Variants in RGS6 observed in about 807,000 individuals in gnomAD.
RGS6 encodes regulator of G protein signaling 6.
In RGS6, 30 loss-of-function variants were observed where a neutral mutation model predicts 78.5. That is an observed-to-expected ratio of 0.38 (90% CI 0.29 to 0.52). RGS6 has a LOEUF of 0.52. Ranked by LOEUF, RGS6 falls within the 20% of genes least tolerant of loss-of-function variation. The pLI is 0.85. For missense variants in RGS6, 495 were observed against 609.7 expected (o/e 0.81, Z 1.98); for synonymous variants, 206 against 206.0 (o/e 1.00, Z 0.00).
intron 3 of RGS6, among the ~76,000 whole-genome samples, chr14:72,404,351 A>C (rs568053252): frequency 6.6e-6 from 1 of 152,292 alleles, no homozygotes; most frequent in South Asian, 2.1e-4. Flanking sequence ...GCTTGAGGGA[A>C]GGTGTTTGCT....
chr14:72,419,939 C>G (rs145317609), intron 3 of RGS6, among the ~76,000 whole-genome samples: 54 of 152,254 alleles, frequency 3.5e-4, no homozygotes, highest in African/African-American at 1.1e-3. Flanking sequence ...AATCTGCCCC[C>G]CTAAGGGTGT....
chr14:72,370,562 C>T (rs2083298291), intron 3 of RGS6, among the ~76,000 whole-genome samples: 1 of 152,090 alleles, frequency 6.6e-6, no homozygotes, highest in African/African-American at 2.4e-5. Context: ...TGATGAGGTA[C>T]ATCAGGGTAA....
chr14:72,168,135 G>A (rs887053508), intron 2 of RGS6, among the ~76,000 whole-genome samples: 8 of 152,168 alleles, frequency 5.3e-5, no homozygotes, highest in African/African-American at 1.7e-4. Flanking sequence ...GCCAGTTCAT[G>A]GGGTCAGGAG....
At chr14:72,605,900 CA>C in the RGS6 span, among the ~76,000 whole-genome samples, 1 of 152,150 alleles carries the variant, frequency 6.6e-6, no homozygotes, top group Non-Finnish European at 1.5e-5. Flanking sequence ...AAGATGGTTT[CA>C]AACTGTTGCG....
chr14:71,964,867 T>C lies in RGS6; in HGVS notation c.76T>C (p.Tyr26His), dbSNP rs1456275163. 10 of 1,613,578 alleles carry C rather than the reference T, an allele frequency of 6.2e-6. No homozygotes were observed. Among genetic ancestry groups the C allele is most frequent in the South Asian group, 1.1e-5 (1 of 90,980 alleles). The change falls in exon 2 of 18, where the codon TAC becomes CAC. Residue 26 changes from tyrosine (Y) to histidine (H), a missense_variant. By Grantham distance (83) the Tyr-to-His change is moderately conservative. Coordinates refer to ENST00000553525, the MANE Select transcript of RGS6 (RefSeq NM_001204424.2). ...PEESSPNMIV[Y>H]CKIEDIITKM... ...GGAGAGTTCTCCAAACATGATCGTT[T>C]ACTGCAAAGTAAGGCGCCTGGTCAA...
At chr14:72,588,305 C>A in the RGS6 span, among the ~76,000 whole-genome samples, 1 of 152,074 alleles carries the variant, frequency 6.6e-6, no homozygotes. Context: ...CTGAGACATG[C>A]CCTAGAGATT....
chr14:72,181,272 T>C (rs1018718047), intron 2 of RGS6, among the ~76,000 whole-genome samples: 3 of 152,200 alleles, frequency 2.0e-5, no homozygotes, highest in Non-Finnish European at 4.4e-5. Flanking sequence ...GTAAAATAAT[T>C]TTCTTTGCTG....
intron 2 of RGS6, among the ~76,000 whole-genome samples, chr14:72,289,238 C>T (rs982524061): frequency 6.6e-6 from 1 of 152,106 alleles, no homozygotes; most frequent in Non-Finnish European, 1.5e-5. Context: ...GCCGTATCTC[C>T]TAACCTGCAT....
In RGS6 at chr14:72,155,037, T is replaced by C. The variant is rs376170547; in HGVS notation, c.84+190162T>C. Among the ~76,000 whole-genome samples the C allele has an allele frequency of 5.3e-5, 8 of 152,320 alleles. No individual in the cohort carries two copies. The East Asian group carries it at 9.7e-4, about 18-fold the overall frequency. ...TGAAGTAAACAATTTCACCGTTAGG[T>C]GGTTCACCCTGCATGCCTCATTGCT... On this transcript the variant is annotated intron_variant, in intron 2 of 17. Transcript: ENST00000553525.
At chr14:71,902,887 T>C in the RGS6 span, among the ~76,000 whole-genome samples, 3 of 152,356 alleles carry the variant, frequency 2.0e-5, no homozygotes, top group African/African-American at 7.2e-5. Flanking sequence ...GGAGCCAGTC[T>C]GTTTACATTA....
chr14:72,540,296 C>G (rs1014109758), intron 17 of RGS6: 1 of 1,503,154 alleles, frequency 6.7e-7, no homozygotes. Flanking sequence ...AAAGAGCAAG[C>G]GGCTCCCTCT....
intron 2 of RGS6, among the ~76,000 whole-genome samples, chr14:71,988,211 CA>C (rs2094805533): frequency 6.6e-6 from 1 of 152,138 alleles, no homozygotes; most frequent in Admixed American, 6.6e-5. Context: ...AGTGAGCGAG[CA>C]GGGGGTGAGC....
chr14:72,047,858 T>G lies in RGS6; in HGVS notation c.84+82983T>G, dbSNP rs541407590. ...CTCATGCCTCAGCCTCCAGAGTAGC[T>G]GGGATTACAGGCATGTGCCACTATG... On this transcript the variant is annotated intron_variant, in intron 2 of 17. Transcript: ENST00000553525. 1.3e-4 allele frequency among the ~76,000 whole-genome samples: 20 copies of G among 151,648 alleles called. No homozygotes were observed. The South Asian group carries it at 1.9e-3, about 14-fold the overall frequency.
chr14:72,047,595 A>G (rs1412670233), intron 2 of RGS6, among the ~76,000 whole-genome samples: 1 of 152,248 alleles, frequency 6.6e-6, no homozygotes, highest in African/African-American at 2.4e-5. Context: ...GACAAAGATC[A>G]CTTTCTTATA....
intron 2 of RGS6, among the ~76,000 whole-genome samples, chr14:72,126,682 G>C (rs1484507084): frequency 1.3e-5 from 2 of 152,168 alleles, no homozygotes; most frequent in African/African-American, 4.8e-5. Flanking sequence ...TTTGCATGTG[G>C]CTATCTTTAC....
intron 2 of RGS6, among the ~76,000 whole-genome samples, chr14:72,153,860 A>C (rs143460024): frequency 6.6e-6 from 1 of 152,178 alleles, no homozygotes; most frequent in Non-Finnish European, 1.5e-5. Flanking sequence ...TGCACGTATT[A>C]TCTTGATAAA....
chr14:72,409,609 A>T (rs190327377), intron 3 of RGS6, among the ~76,000 whole-genome samples: 1 of 152,150 alleles, frequency 6.6e-6, no homozygotes, highest in East Asian at 1.9e-4. Context: ...ACATGTGCAC[A>T]ATGTGCAGGT....
chr14:72,391,662 A>G (rs2090022962), intron 3 of RGS6, among the ~76,000 whole-genome samples: 1 of 152,202 alleles, frequency 6.6e-6, no homozygotes, highest in Admixed American at 6.5e-5. Context: ...GGTTTGTTAC[A>G]TAGGTTTATA....
rs568576792 is a variant in RGS6 at position 71,950,677 on chromosome 14, G to A, written c.-20-14095G>A. On this transcript the variant is annotated intron_variant, in intron 1 of 17. Coordinates refer to ENST00000553525, the MANE Select transcript of RGS6 (RefSeq NM_001204424.2). ...TTTTGCAACCTATCCACCTGACAAA[G>A]ATCTAATATCCAGAGTCTACAAGGA... 7.6e-3 allele frequency among the ~76,000 whole-genome samples: 1,154 copies of A among 152,238 alleles called. 9 individuals carry two copies. Among genetic ancestry groups the A allele is most frequent in the Middle Eastern group, 0.017 (5 of 294 alleles).
Sources: gnomAD v4.1 joint callset for allele counts (sites outside exome capture counted in the v4.1 genomes callset) on GRCh38, gnomAD v4.1.1 for gene constraint, MANE v1.5 for transcripts, NCBI Gene and HGNC (gene_info 2026-07-23, HGNC 2026-07-21) for gene names.